Variants in KSR2 observed in about 807,000 individuals in gnomAD.
KSR2 encodes kinase suppressor of ras 2.
A neutral mutation model predicts 107.8 loss-of-function variants in KSR2; 25 were observed. That is an observed-to-expected ratio of 0.23 (90% CI 0.17 to 0.32). The LOEUF is 0.32. Among genes scored for constraint, KSR2 ranks in the 10% least tolerant of loss-of-function variants. KSR2 has a pLI of 1.00. For synonymous variants in KSR2, 480 were observed against 507.0 expected, an observed-to-expected ratio of 0.95 and a Z score of 0.71; for missense variants, 887 against 1,268.9, an observed-to-expected ratio of 0.70 and a Z score of 4.57.
chr12:117,962,841 A>T (rs117365375), intron 1 of KSR2, among the ~76,000 whole-genome samples: 1 of 152,048 alleles, frequency 6.6e-6, no homozygotes, highest in Non-Finnish European at 1.5e-5. Flanking sequence ...ACATGCAAAA[A>T]GTATATCAAT....
chr12:117,907,416 G>A lies in KSR2; in HGVS notation c.181-46985C>T, dbSNP rs1186575315. 6.6e-6 allele frequency among the ~76,000 whole-genome samples: 1 copy of A among 152,136 alleles called. No homozygotes were observed. Among genetic ancestry groups the A allele is most frequent in the Non-Finnish European group, 1.5e-5 (1 of 68,012 alleles). On this transcript the variant is annotated intron_variant, in intron 1 of 19. Transcript: ENST00000339824. The surrounding 1 kb of genome is among the most constrained non-coding windows in gnomAD (Gnocchi z 4.3). Reference sequence around the variant, plus strand: ...TGTGCTGGGTCTGCGTGCTCAAGACGACGCTCAGCAGGTATCTCAGGTGAG... The same window carrying A: ...TGTGCTGGGTCTGCGTGCTCAAGACAACGCTCAGCAGGTATCTCAGGTGAG...
At chr12:117,760,235 C>T (rs1888950554) in intron 4 of KSR2, among the ~76,000 whole-genome samples, 1 of 152,198 alleles carries the variant, frequency 6.6e-6, no homozygotes. Flanking sequence ...CTGTGAATAG[C>T]ACAGCAACCT....
rs185784743 is a variant in KSR2, at chr12:117,851,552, T to C, written c.472+3876A>G. The stretch of plus-strand genomic sequence containing the variant: ...GAGCTGTGATCACATCACACCACTG[T>C]ACTCCAACCTGGGTGACAAAGCAAG... On this transcript the variant is annotated intron_variant, in intron 3 of 19. Transcript: ENST00000339824. Among the ~76,000 whole-genome samples the C allele has an allele frequency of 3.5e-3, 531 of 152,062 alleles. 4 individuals carry two copies. The highest frequency in any genetic ancestry group is 0.012 in the African/African-American group (515 of 41,450).
At chr12:117,662,358 C>T (rs546660064) in intron 5 of KSR2, among the ~76,000 whole-genome samples, 2 of 152,290 alleles carry the variant, frequency 1.3e-5, no homozygotes, top group East Asian at 3.9e-4. Flanking sequence ...TATAATCACC[C>T]CCATCCTGAG....
chr12:117,712,885 G>A (rs1886839543), intron 4 of KSR2, among the ~76,000 whole-genome samples: 1 of 151,928 alleles, frequency 6.6e-6, no homozygotes, highest in Non-Finnish European at 1.5e-5. Flanking sequence ...GATCGCTATA[G>A]ATATATCTAT....
chr12:117,659,009 T>C (rs1884307547), intron 5 of KSR2, among the ~76,000 whole-genome samples: 1 of 152,198 alleles, frequency 6.6e-6, no homozygotes, highest in African/African-American at 2.4e-5. Context: ...GAATGCCTTG[T>C]GTACACCGTA....
rs533224691 is a variant in KSR2 at position 117,674,642 on chromosome 12, T to C, written c.987-6984A>G. ...TGTCTGGCTTCTTCACTCAGTACAA[T>C]GTTTTTGAGGGTCATCCATGTTCTA... On this transcript the variant is annotated intron_variant, in intron 4 of 19. Transcript: ENST00000339824. 3.9e-5 allele frequency among the ~76,000 whole-genome samples: 6 copies of C among 152,326 alleles called. No homozygotes were observed. The East Asian group carries it at 1.2e-3, about 29-fold the overall frequency.
At chr12:117,647,414 G>T (rs1022321227) in intron 5 of KSR2, among the ~76,000 whole-genome samples, 4 of 152,156 alleles carry the variant, frequency 2.6e-5, no homozygotes, top group African/African-American at 9.7e-5. Context: ...GACTGATGGG[G>T]CCAAGCCTCA....
At chr12:117,495,175 A>T (rs763861447) in intron 14 of KSR2, among the ~76,000 whole-genome samples, 60 of 152,144 alleles carry the variant, frequency 3.9e-4, no homozygotes, top group Admixed American at 1.3e-3. Flanking sequence ...ACTCCCTTTT[A>T]AGCATTCCCC....
intron 5 of KSR2, among the ~76,000 whole-genome samples, chr12:117,644,340 C>T (rs10850879): frequency 0.081 from 12,313 of 152,174 alleles, 547 homozygotes; most frequent in Middle Eastern, 0.12. Context: ...AGAAAAAGTT[C>T]GCAGCATCTA....
At chr12:117,583,638 A>T (rs1479450599) in intron 5 of KSR2, among the ~76,000 whole-genome samples, 2 of 152,198 alleles carry the variant, frequency 1.3e-5, no homozygotes, top group Non-Finnish European at 2.9e-5. Context: ...ACTCCATTAC[A>T]GACTGAGTTC....
chr12:117,751,507 C>T (rs988898181), intron 4 of KSR2, among the ~76,000 whole-genome samples: 1 of 152,116 alleles, frequency 6.6e-6, no homozygotes, highest in African/African-American at 2.4e-5. Flanking sequence ...CAAATTGCCC[C>T]TTGTTGGTAG....
chr12:117,614,507 C>T (rs1881769381), intron 5 of KSR2, among the ~76,000 whole-genome samples: 1 of 152,150 alleles, frequency 6.6e-6, no homozygotes, highest in Admixed American at 6.5e-5. Context: ...CCTGGGTGGG[C>T]TGTTCAGAAC....
intron 7 of KSR2, among the ~76,000 whole-genome samples, chr12:117,573,182 G>A (rs1196739405): frequency 3.3e-5 from 5 of 152,156 alleles, no homozygotes; most frequent in Non-Finnish European, 7.3e-5. Context: ...GCATTAAATC[G>A]GAGCAGGAGG....
intron 16 of KSR2, among the ~76,000 whole-genome samples, chr12:117,484,113 T>C (rs1329803409): frequency 6.6e-6 from 1 of 152,182 alleles, no homozygotes; most frequent in Non-Finnish European, 1.5e-5. Flanking sequence ...TCCAAGTGAA[T>C]TACTTAGGGT....
intron 3 of KSR2, among the ~76,000 whole-genome samples, chr12:117,785,088 A>G (rs541466363): frequency 2.6e-5 from 4 of 152,336 alleles, no homozygotes; most frequent in Non-Finnish European, 5.9e-5. Context: ...TATGCCAAAG[A>G]CCAGGAAAAT....
chr12:117,497,708 C>T (rs1048572017), intron 14 of KSR2, among the ~76,000 whole-genome samples: 13 of 152,282 alleles, frequency 8.5e-5, no homozygotes, highest in South Asian at 2.1e-4. Context: ...TTCCTGGCTA[C>T]GTGATTTTTG....
rs7302809 is a variant in KSR2 at position 117,864,506 on chromosome 12, G to T, written c.181-4075C>A. 5.7e-4 allele frequency among the ~76,000 whole-genome samples: 87 copies of T among 152,050 alleles called. No individual in the cohort carries two copies. The East Asian group carries it at 0.014, about 25-fold the overall frequency. The stretch of plus-strand genomic sequence containing the variant: ...AAGGGACTGAGATTTACTCCAAAAC[G>T]TGAGTTCTGGGCTACATTAGTTTAC... On this transcript the variant is annotated intron_variant, in intron 1 of 19. Coordinates refer to ENST00000339824, the MANE Select transcript of KSR2 (RefSeq NM_173598.6).
chr12:117,701,235 G>A (rs2136617442), intron 4 of KSR2, among the ~76,000 whole-genome samples: 1 of 152,198 alleles, frequency 6.6e-6, no homozygotes, highest in Admixed American at 6.5e-5. Flanking sequence ...TGAGACTATG[G>A]GCATGCACCA....
Sources: gnomAD v4.1 joint callset for allele counts (sites outside exome capture counted in the v4.1 genomes callset) on GRCh38, gnomAD v4.1.1 for gene constraint, Gnocchi (gnomAD v3.1) non-coding constraint, MANE v1.5 for transcripts, NCBI Gene and HGNC (gene_info 2026-07-23, HGNC 2026-07-21) for gene names.